NRXN3: variants seen among roughly 807,000 people sequenced by gnomAD.
NRXN3 encodes the protein neurexin 3, also known as neurexin III.
Under a neutral mutation model 137.6 loss-of-function variants are expected in NRXN3, and 32 were observed. That is an observed-to-expected ratio of 0.23 (90% CI 0.18 to 0.31). NRXN3 has a LOEUF of 0.31. Ranked by LOEUF, NRXN3 falls within the 10% of genes least tolerant of loss-of-function variation. The pLI, the probability that NRXN3 is intolerant of heterozygous loss-of-function variation, is 1.00. For synonymous variants in NRXN3, 798 were observed against 784.5 expected (o/e 1.02, Z -0.29); for missense variants, 1,574 against 2,062.5 (o/e 0.76, Z 4.59).
chr14:79,039,390 T>A (rs946523053), intron 15 of NRXN3, among the ~76,000 whole-genome samples: 1 of 152,166 alleles, frequency 6.6e-6, no homozygotes, highest in African/African-American at 2.4e-5. Flanking sequence ...CACTCAACAA[T>A]TGTATTGCTT....
At chr14:79,369,294 G>T (rs115025766) in intron 15 of NRXN3, among the ~76,000 whole-genome samples, 1 of 152,104 alleles carries the variant, frequency 6.6e-6, no homozygotes, top group African/African-American at 2.4e-5. Context: ...GAATTCTTCC[G>T]TCCATTCTAT....
chr14:78,389,384 G>T (rs1224234476), intron 4 of NRXN3, among the ~76,000 whole-genome samples: 1 of 152,056 alleles, frequency 6.6e-6, no homozygotes, highest in Non-Finnish European at 1.5e-5. Flanking sequence ...CTGAAACATT[G>T]CCTTCCAGGG....
chr14:78,848,213 G>A (rs977061807), intron 10 of NRXN3, among the ~76,000 whole-genome samples: 2 of 152,064 alleles, frequency 1.3e-5, no homozygotes, highest in African/African-American at 2.4e-5. Flanking sequence ...CTTTCCCCTG[G>A]AATTCTCTAT....
At chr14:78,593,114 T>G (rs908105133) in intron 4 of NRXN3, among the ~76,000 whole-genome samples, 5 of 152,222 alleles carry the variant, frequency 3.3e-5, no homozygotes, top group Non-Finnish European at 7.3e-5. Flanking sequence ...GCAAAGCTAT[T>G]AGCAATGCAC....
chr14:78,479,995 C>T (rs1422053525), intron 4 of NRXN3, among the ~76,000 whole-genome samples: 3 of 152,026 alleles, frequency 2.0e-5, no homozygotes, highest in Non-Finnish European at 2.9e-5. Flanking sequence ...CAAAAATTAG[C>T]CAGGCATGAT....
chr14:79,058,487 T>G (rs920431681), intron 15 of NRXN3, among the ~76,000 whole-genome samples: 10 of 151,804 alleles, frequency 6.6e-5, no homozygotes, highest in Admixed American at 3.3e-4. Flanking sequence ...ATCCCTGAGA[T>G]ATATATATAT....
chr14:78,637,135 C>T (rs997191185), intron 4 of NRXN3, among the ~76,000 whole-genome samples: 1 of 152,150 alleles, frequency 6.6e-6, no homozygotes, highest in African/African-American at 2.4e-5. Flanking sequence ...AATTCCCCAT[C>T]CCCAGTGCTC....
At chr14:78,780,997 A>C (rs1421718636) in intron 8 of NRXN3, among the ~76,000 whole-genome samples, 1 of 152,200 alleles carries the variant, frequency 6.6e-6, no homozygotes, top group Non-Finnish European at 1.5e-5. Flanking sequence ...TAGAATGTAC[A>C]CTGCTTGTTA....
intron 19 of NRXN3, 99 bp from the exon 20 acceptor site, chr14:79,805,013 C>A (rs1399150519): frequency 1.3e-6 from 1 of 795,356 alleles, no homozygotes; most frequent in South Asian, 1.6e-5. Flanking sequence ...GGAGATGGGA[C>A]ACAGTGATAA....
chr14:78,866,485 A>G (rs1268320826), intron 10 of NRXN3, among the ~76,000 whole-genome samples: 1 of 152,186 alleles, frequency 6.6e-6, no homozygotes, highest in Non-Finnish European at 1.5e-5. Context: ...TGACAGGGCT[A>G]TATTGTAAAT....
intron 15 of NRXN3, among the ~76,000 whole-genome samples, chr14:79,211,577 A>C (rs1002786241): frequency 2.0e-5 from 3 of 152,150 alleles, no homozygotes; most frequent in Admixed American, 2.0e-4. Context: ...TCTTTCTCTA[A>C]GGTTAAACAG....
intron 19 of NRXN3, among the ~76,000 whole-genome samples, chr14:79,794,572 G>A (rs1370847755): frequency 6.6e-6 from 1 of 152,132 alleles, no homozygotes; most frequent in African/African-American, 2.4e-5. Context: ...GAGAGCATGA[G>A]CTCCTGGGGA....
intron 15 of NRXN3, among the ~76,000 whole-genome samples, chr14:79,412,642 G>T (rs1472395708): frequency 6.6e-6 from 1 of 151,452 alleles, no homozygotes; most frequent in Non-Finnish European, 1.5e-5. Context: ...AAGTAGCCAG[G>T]GGTGGTGACC....
At chr14:78,697,424 C>T (rs2098237793) in intron 6 of NRXN3, among the ~76,000 whole-genome samples, 1 of 151,854 alleles carries the variant, frequency 6.6e-6, no homozygotes, top group Admixed American at 6.6e-5. Context: ...ATAAATAAGG[C>T]AACGGAGTGA....
intron 19 of NRXN3, among the ~76,000 whole-genome samples, chr14:79,706,274 T>C (rs940063125): frequency 2.0e-5 from 3 of 152,204 alleles, no homozygotes; most frequent in African/African-American, 7.2e-5. Flanking sequence ...CTTTTGGAAA[T>C]GTAATATCAC....
chr14:78,339,204 G>T (rs568976607), intron 4 of NRXN3, among the ~76,000 whole-genome samples: 1 of 152,332 alleles, frequency 6.6e-6, no homozygotes, highest in East Asian at 1.9e-4. Flanking sequence ...TTTACCACAC[G>T]TGAGGCACTT....
intron 15 of NRXN3, among the ~76,000 whole-genome samples, chr14:79,459,698 A>G (rs2096302981): frequency 6.6e-6 from 1 of 152,140 alleles, no homozygotes; most frequent in African/African-American, 2.4e-5. Context: ...ACTGTATACT[A>G]AGATATATAA....
chr14:78,660,089 G>C (rs943896337), intron 6 of NRXN3, among the ~76,000 whole-genome samples: 3 of 152,010 alleles, frequency 2.0e-5, no homozygotes, highest in Admixed American at 1.3e-4. Context: ...CTGTAAAAAA[G>C]TGGTATGGGC....
At chr14:79,716,630 A>T (rs1454313152) in intron 19 of NRXN3, among the ~76,000 whole-genome samples, 1 of 152,026 alleles carries the variant, frequency 6.6e-6, no homozygotes. Flanking sequence ...CTGCAGTCTA[A>T]TTAGCCCCTC....
Sources: gnomAD v4.1 joint callset for allele counts (sites outside exome capture counted in the v4.1 genomes callset) on GRCh38, gnomAD v4.1.1 for gene constraint, MANE v1.5 for transcripts, NCBI Gene and HGNC (gene_info 2026-07-23, HGNC 2026-07-21) for gene names.